C1orf54: variants seen among roughly 807,000 people sequenced by gnomAD.
C1orf54 encodes uncharacterized protein C1orf54.
C1orf54 carries 12 observed loss-of-function variants against 14.7 expected under a neutral mutation model. The ratio of observed to expected loss-of-function variants is 0.82; its 90% CI spans 0.52 to 1.32. The LOEUF (loss-of-function observed/expected upper bound fraction) is 1.32. Among genes scored for constraint, C1orf54 ranks in the 40% most tolerant of loss-of-function variants. The pLI is 0.00. For synonymous variants in C1orf54, 65 were observed against 56.3 expected (o/e 1.16, Z -0.70); for missense variants, 163 against 162.2 (o/e 1.00, Z -0.03).
At chr1:150,276,871 G>C (rs1467804378) in intron 4 of C1orf54, among the ~76,000 whole-genome samples, 2 of 152,188 alleles carry the variant, frequency 1.3e-5, no homozygotes, top group East Asian at 3.8e-4. Context: ...CAATAGGTAT[G>C]TAATCTATGC....
At chr1:150,272,985 C>A in intron 1 of C1orf54, 122 bp downstream of exon 1, 2 of 1,122,050 alleles carry the variant, frequency 1.8e-6, no homozygotes, top group South Asian at 1.3e-5. Context: ...GTTTTCTCAT[C>A]GTGCTGGGGT....
chr1:150,278,105 G>GA (rs1247041051), intron 4 of C1orf54, among the ~76,000 whole-genome samples: 152,244 of 152,248 alleles, frequency 1, 76,120 homozygotes, highest in Middle Eastern at 1. Context: ...CTCAAAAAAA[G>GA]AAAAAGAAAA....
Position 150,276,607 on chromosome 1 carries a change from C to T in C1orf54, c.275C>T (p.Thr92Ile), listed in dbSNP as rs587657771. Residue 92 changes from threonine to isoleucine, a missense_variant, in exon 4 of 6, where the codon ACT (threonine) becomes ATT (isoleucine). Transcript: ENST00000369099. ...TARADHPKPV[T>I]VKPVTTEPSP... ...CGTGCAGACCATCCGAAGCCTGTAA[C>T]TGTGAAACCAGTAACAACGGAACCT... 37 of 1,614,030 alleles carry T rather than the reference C, an allele frequency of 2.3e-5. No individual in the cohort carries two copies. In the South Asian group the frequency reaches 3.1e-4, roughly 13 times the overall value.
chr1:150,268,899 A>T, upstream of C1orf54: 1 of 1,176,108 alleles, frequency 8.5e-7, no homozygotes, highest in South Asian at 1.3e-5. Flanking sequence ...GTGGGGTGGC[A>T]ACGCGACCCC....
In C1orf54 at chr1:150,276,553, T is replaced by A; in HGVS notation, c.221T>A (p.Ile74Lys). The A allele has an allele frequency of 6.2e-7, 1 of 1,613,968 alleles. No individual in the cohort carries two copies. Among genetic ancestry groups the A allele is most frequent in the Non-Finnish European group, 8.5e-7 (1 of 1,179,992 alleles). The change falls in exon 4 of 6, where the codon ATA becomes AAA. Residue 74 changes from isoleucine (I) to lysine (K), a missense_variant. By Grantham distance (102) the Ile-to-Lys change is moderately radical. Transcript: ENST00000369099. Reference protein sequence around the residue: ...NRLDKDITEAIETTISLETAR... With the variant: ...NRLDKDITEAKETTISLETAR... Reference sequence around the variant, plus strand: ...TTGGATAAGGACATAACAGAAGCAATAGAGACTACCATTAGTCTTGAAACA... The same window carrying A: ...TTGGATAAGGACATAACAGAAGCAAAAGAGACTACCATTAGTCTTGAAACA...
At chr1:150,280,118 G>A (rs903298372) in intron 5 of C1orf54, among the ~76,000 whole-genome samples, 1 of 152,218 alleles carries the variant, frequency 6.6e-6, no homozygotes, top group Non-Finnish European at 1.5e-5. Flanking sequence ...CAGCTATTGG[G>A]GGGGATGGGG....
At chr1:150,277,150 T>C (rs1398414244) in intron 4 of C1orf54, among the ~76,000 whole-genome samples, 1 of 152,044 alleles carries the variant, frequency 6.6e-6, no homozygotes, top group Admixed American at 6.6e-5. Context: ...GAGCTTTTGA[T>C]TGGTGGGTAG....
upstream of C1orf54, chr1:150,272,629 C>A: frequency 1.6e-6 from 1 of 623,516 alleles, no homozygotes; most frequent in Non-Finnish European, 2.9e-6. Context: ...CTGGGCAGCT[C>A]TGGCTGGGGA....
Position 150,274,161 on chromosome 1 carries a change from C to A in C1orf54, c.121C>A (p.Pro41Thr), listed in dbSNP as rs781901044. Residue 41 changes from proline (P) to threonine (T), a missense_variant, in exon 2 of 6, where the codon CCC becomes ACC. Coordinates refer to ENST00000369099, the MANE Select transcript of C1orf54 (RefSeq NM_024579.4). Reference protein sequence around the residue: ...YQVVYYYTVTPSYDDFSADFT... With the variant: ...YQVVYYYTVTTSYDDFSADFT... ...GGTGGTCTATTATTATACAGTCACC[C>A]CCAGTTATGGTGAGTACATGAAAGG... is the stretch of plus-strand genomic sequence containing the variant. 1 of 1,608,952 alleles carries A rather than the reference C, an allele frequency of 6.2e-7. No homozygotes were observed. The highest frequency in any genetic ancestry group is 1.3e-5 in the African/African-American group (1 of 74,754).
At chr1:150,268,942 C>G, upstream of C1orf54, 1 of 721,582 alleles carries the variant, frequency 1.4e-6, no homozygotes, top group East Asian at 2.8e-5. Flanking sequence ...ACCCCCAGAC[C>G]CCGGGGAAGG....
chr1:150,273,632 G>A (rs1450466628), intron 1 of C1orf54, among the ~76,000 whole-genome samples: 5 of 152,154 alleles, frequency 3.3e-5, no homozygotes, highest in African/African-American at 1.2e-4. Context: ...CAGTGAAGGT[G>A]GAACTAAAGC....
chr1:150,272,493 C>G (rs1553851445), upstream of C1orf54: 2 of 259,308 alleles, frequency 7.7e-6, no homozygotes, highest in Admixed American at 5.0e-5. Context: ...AGAGGGGAAA[C>G]TTCTTGGTAG....
At chr1:150,275,133 GC>G (rs1553852175) in intron 2 of C1orf54, among the ~76,000 whole-genome samples, 1 of 151,548 alleles carries the variant, frequency 6.6e-6, no homozygotes, top group Non-Finnish European at 1.5e-5. Flanking sequence ...CTGCCTCTCG[GC>G]TTCCAGCTAT....
upstream of C1orf54, among the ~76,000 whole-genome samples, chr1:150,270,405 G>C (rs1652111667): frequency 6.6e-6 from 1 of 152,084 alleles, no homozygotes. Flanking sequence ...ACTTTCGGAG[G>C]CCAAGGCGGC....
At chr1:150,272,922 G>GAAAAAA in intron 1 of C1orf54, 59 bp downstream of exon 1, 1 of 1,579,758 alleles carries the variant, frequency 6.3e-7, no homozygotes, top group Admixed American at 1.7e-5. Flanking sequence ...AATGGGGTGG[G>GAAAAAA]AGAAAAAAAA....
At chr1:150,272,673 G>A, upstream of C1orf54, 1 of 764,822 alleles carries the variant, frequency 1.3e-6, no homozygotes, top group East Asian at 2.6e-5. Context: ...CAGTCAGCCA[G>A]TAGGCGGGGA....
At chr1:150,275,616 T>C (rs1553852268) in intron 2 of C1orf54, 125 bp from the exon 3 acceptor site, 4 of 666,818 alleles carry the variant, frequency 6.0e-6, no homozygotes, top group Non-Finnish European at 9.9e-6. Flanking sequence ...TTAAATAAAA[T>C]TGGATTATAC....
intron 1 of C1orf54, among the ~76,000 whole-genome samples, chr1:150,273,603 T>C (rs1385707089): frequency 1.3e-5 from 2 of 152,208 alleles, no homozygotes; most frequent in African/African-American, 4.8e-5. Context: ...AAGTGGATTG[T>C]TCAGGGTTAT....
At chr1:150,280,130 G>A (rs1305284451) in intron 5 of C1orf54, among the ~76,000 whole-genome samples, 1 of 152,208 alleles carries the variant, frequency 6.6e-6, no homozygotes, top group African/African-American at 2.4e-5. Flanking sequence ...GGGATGGGGT[G>A]GAAGGATCCC....
Sources: gnomAD v4.1 joint callset for allele counts (sites outside exome capture counted in the v4.1 genomes callset) on GRCh38, gnomAD v4.1.1 for gene constraint, MANE v1.5 for transcripts, NCBI Gene and HGNC (gene_info 2026-07-23, HGNC 2026-07-21) for gene names.